AGR3: variants seen among roughly 807,000 people sequenced by gnomAD.
AGR3 encodes the protein anterior gradient protein 3.
In AGR3, 37 loss-of-function variants were observed where a neutral mutation model predicts 24.5. The observed-to-expected ratio is 1.51, with a 90% CI of 1.16 to 1.99. The LOEUF (loss-of-function observed/expected upper bound fraction) is 1.99, where lower values mean the gene tolerates loss of function less well. Among genes scored for constraint, AGR3 ranks in the 30% most tolerant of loss-of-function variants. AGR3 has a pLI of 0.00. For missense variants in AGR3, 228 were observed against 191.1 expected (o/e 1.19, Z -1.14); for synonymous variants, 75 against 61.6 (o/e 1.22, Z -1.02).
At chr7:16,877,638 C>T (rs1025112553) in intron 2 of AGR3, among the ~76,000 whole-genome samples, 5 of 151,728 alleles carry the variant, frequency 3.3e-5, no homozygotes, top group Non-Finnish European at 4.4e-5. Context: ...CCGAGGCGGG[C>T]GGATCACAAG....
intron 3 of AGR3, chr7:16,864,428 A>T: frequency 7.8e-7 from 1 of 1,286,040 alleles, no homozygotes; most frequent in Non-Finnish European, 1.1e-6. Context: ...TCACCCAGAG[A>T]TTCCTCTGCA....
chr7:16,861,347 A>C, intron 6 of AGR3, 37 bp downstream of exon 6: 1 of 1,469,600 alleles, frequency 6.8e-7, no homozygotes, highest in East Asian at 2.4e-5. Context: ...ATTTCTACTA[A>C]TTTTGTAGAT....
At position 16,878,603 on chromosome 7, in the gene AGR3, C is replaced by G. The variant is rs368420465; in HGVS notation, c.16G>C (p.Ala6Pro). Residue 6 changes from alanine to proline, a missense_variant, in exon 2 of 8, where the codon GCT (alanine) becomes CCT (proline). By Grantham distance (27) the Ala-to-Pro change is conservative. Transcript: ENST00000310398. MMLHS[A>P]LGLCLLLVTV... ...ACGAGTAAGAGGCAGAGACCCAAAG[C>G]TGAGTGTAGCATCATGTCTTCTAGA... The G allele has an allele frequency of 1.9e-6, 3 of 1,613,936 alleles. No homozygotes were observed. The highest frequency in any genetic ancestry group is 1.7e-5 in the Admixed American group (1 of 60,002).
At chr7:16,861,899 TAAAAAAAAA>T (rs56817783) in intron 5 of AGR3, 76 bp downstream of exon 5, 14 of 864,756 alleles carry the variant, frequency 1.6e-5, no homozygotes, top group South Asian at 1.8e-5. Flanking sequence ...AGACTCTGTC[TAAAAAAAAA>T]AAAAAAAAAG....
downstream of AGR3, among the ~76,000 whole-genome samples, chr7:16,859,200 C>A (rs1781593923): frequency 6.6e-6 from 1 of 151,244 alleles, no homozygotes; most frequent in Non-Finnish European, 1.5e-5. Flanking sequence ...GAGTTTGAGA[C>A]CAGCCTGGGC....
At chr7:16,875,842 G>A (rs938919983) in intron 2 of AGR3, among the ~76,000 whole-genome samples, 12 of 151,992 alleles carry the variant, frequency 7.9e-5, no homozygotes, top group African/African-American at 2.9e-4. Context: ...TAATAATCCT[G>A]AAAGATTCTC....
At chr7:16,865,274 T>C in intron 3 of AGR3, 1 of 1,009,786 alleles carries the variant, frequency 9.9e-7, no homozygotes, top group Non-Finnish European at 1.5e-6. Flanking sequence ...TTTCTCCTTT[T>C]GAAGAAGAAA....
intron 2 of AGR3, 104 bp from the exon 3 acceptor site, chr7:16,873,947 C>A: frequency 1.1e-6 from 1 of 912,682 alleles, no homozygotes; most frequent in South Asian, 1.4e-5. Flanking sequence ...TTAACTAAGC[C>A]ATCAAGCTGT....
At chr7:16,865,215 G>A (rs1008668250) in intron 3 of AGR3, 33 of 771,652 alleles carry the variant, frequency 4.3e-5, no homozygotes, top group Non-Finnish European at 6.5e-5. Flanking sequence ...TTTTGACAGC[G>A]TAGCATTTGA....
chr7:16,864,634 G>A (rs1781715766), intron 3 of AGR3: 7 of 1,565,046 alleles, frequency 4.5e-6, no homozygotes, highest in Non-Finnish European at 6.2e-6. Context: ...CAGTAGCTGA[G>A]TTTGGAGGCA....
intron 6 of AGR3, 38 bp downstream of exon 6, chr7:16,861,346 A>T (rs751233532): frequency 6.8e-7 from 1 of 1,461,026 alleles, no homozygotes; most frequent in Non-Finnish European, 9.3e-7. Context: ...GATTTCTACT[A>T]ATTTTGTAGA....
At chr7:16,877,238 T>G (rs1026194238) in intron 2 of AGR3, among the ~76,000 whole-genome samples, 3 of 147,484 alleles carry the variant, frequency 2.0e-5, no homozygotes, top group Non-Finnish European at 3.0e-5. Flanking sequence ...AGCATATATT[T>G]ATATATAATT....
chr7:16,860,855 A>G (rs547980713), intron 6 of AGR3, among the ~76,000 whole-genome samples: 2 of 152,170 alleles, frequency 1.3e-5, no homozygotes, highest in South Asian at 2.1e-4. Context: ...CTTTATGTCC[A>G]TGTGTAACCA....
chr7:16,857,394 GAAGA>G (rs1270097875), downstream of AGR3, among the ~76,000 whole-genome samples: 2 of 152,012 alleles, frequency 1.3e-5, no homozygotes, highest in Non-Finnish European at 2.9e-5. Context: ...TATGCTAACT[GAAGA>G]AAGATAAGTG....
downstream of AGR3, among the ~76,000 whole-genome samples, chr7:16,858,718 A>G (rs1213808691): frequency 6.6e-6 from 1 of 151,846 alleles, no homozygotes; most frequent in Non-Finnish European, 1.5e-5. Flanking sequence ...TAAAAATACA[A>G]AAATTAGCCA....
intron 2 of AGR3, among the ~76,000 whole-genome samples, chr7:16,877,730 G>A (rs2115317438): frequency 6.6e-6 from 1 of 152,110 alleles, no homozygotes; most frequent in South Asian, 2.1e-4. Context: ...GGGCATGGTG[G>A]CGGGCGCCTG....
intron 6 of AGR3, 117 bp downstream of exon 6, chr7:16,861,267 A>C (rs1781636502): frequency 2.8e-6 from 2 of 705,000 alleles, no homozygotes; most frequent in Admixed American, 3.0e-5. Flanking sequence ...ATATTATTGG[A>C]TTAGAAATGA....
intron 3 of AGR3, among the ~76,000 whole-genome samples, chr7:16,864,030 C>T (rs558312817): frequency 6.6e-6 from 1 of 152,296 alleles, no homozygotes; most frequent in Admixed American, 6.5e-5. Flanking sequence ...CCTTAAACCA[C>T]TCATAGATTT....
intron 2 of AGR3, among the ~76,000 whole-genome samples, chr7:16,877,512 G>T (rs958059643): frequency 5.3e-5 from 8 of 151,800 alleles, no homozygotes; most frequent in Non-Finnish European, 8.8e-5. Context: ...ATAGCTATAT[G>T]GGGACAAATA....
Sources: allele counts gnomAD v4.1 joint callset (sites outside exome capture counted in the v4.1 genomes callset), GRCh38; gene constraint gnomAD v4.1.1; transcripts MANE v1.5; gene names NCBI Gene and HGNC (gene_info 2026-07-23, HGNC 2026-07-21).